The following BDKRB2 variants were observed in gnomAD, a reference collection of about 807,000 sequenced individuals.
BDKRB2 encodes B2 bradykinin receptor.
In BDKRB2, 6 loss-of-function variants were observed where a neutral mutation model predicts 4.0. That is an observed-to-expected ratio of 1.49 (90% CI 0.81 to 2.93). BDKRB2 has a LOEUF of 2.93. Ranked by LOEUF, BDKRB2 falls within the 30% of genes most tolerant of loss-of-function variation. BDKRB2 has a pLI of 0.00. For synonymous variants in BDKRB2, 225 were observed against 215.3 expected (o/e 1.05, Z -0.40); for missense variants, 478 against 520.1 (o/e 0.92, Z 0.79).
chr14:96,211,195 C>T (rs1890294050), intron 1 of BDKRB2: 1 of 152,256 alleles, frequency 6.6e-6, no homozygotes, highest in African/African-American at 2.4e-5. Context: ...AAGACTGGGC[C>T]TTTCCCTCAG....
At chr14:96,209,607 T>C (rs1890260155) in intron 1 of BDKRB2, among the ~76,000 whole-genome samples, 2 of 152,312 alleles carry the variant, frequency 1.3e-5, no homozygotes, top group African/African-American at 2.4e-5. Flanking sequence ...TTAACTTCAC[T>C]GAATGCACAT....
At chr14:96,208,367 C>G (rs1010435680) in intron 1 of BDKRB2, among the ~76,000 whole-genome samples, 1 of 152,176 alleles carries the variant, frequency 6.6e-6, no homozygotes, top group Non-Finnish European at 1.5e-5. Flanking sequence ...CCTCCCCACA[C>G]ACATTCCAAA....
At position 96,209,021 on chromosome 14, in the gene BDKRB2, G is replaced by A. The variant is rs546304291; in HGVS notation, c.-40+4062G>A. On this transcript the variant is annotated intron_variant, in intron 1 of 2. Coordinates refer to ENST00000554311, the MANE Select transcript of BDKRB2 (RefSeq NM_001379692.1). ...TGGTTCTTATCATGGTCATGAGGTC[G>A]CTTCTCCTCTTCCCTGCGGGTTTCC... is the stretch of plus-strand genomic sequence containing the variant. Among the ~76,000 whole-genome samples the A allele has an allele frequency of 6.6e-5, 10 of 152,340 alleles. No individual in the cohort carries two copies. In the East Asian group the frequency reaches 7.7e-4, roughly 12 times the overall value.
chr14:96,235,259 A>G (rs962707866), intron 1 of BDKRB2, among the ~76,000 whole-genome samples: 1 of 151,068 alleles, frequency 6.6e-6, no homozygotes, highest in African/African-American at 2.4e-5. Context: ...GAGACAGGAG[A>G]ATCGCTTGAA....
At chr14:96,214,164 TC>T in intron 1 of BDKRB2, among the ~76,000 whole-genome samples, 1 of 151,926 alleles carries the variant, frequency 6.6e-6, no homozygotes, top group Non-Finnish European at 1.5e-5. Context: ...TGCCCTCCAG[TC>T]CCCGCCAGTC....
intron 1 of BDKRB2, among the ~76,000 whole-genome samples, chr14:96,214,446 G>A (rs942310866): frequency 2.0e-5 from 3 of 152,214 alleles, no homozygotes; most frequent in African/African-American, 7.2e-5. Context: ...CCTCCTGCCG[G>A]GGACAATGCT....
chr14:96,238,189 G>A (rs1890981414), intron 2 of BDKRB2: 1 of 778,046 alleles, frequency 1.3e-6, no homozygotes, highest in Non-Finnish European at 1.6e-6. Context: ...GCCACCAAAA[G>A]CGTAACTGGG....
chr14:96,216,804 G>T (rs911417490), intron 1 of BDKRB2, among the ~76,000 whole-genome samples: 1 of 148,004 alleles, frequency 6.8e-6, no homozygotes, highest in Non-Finnish European at 1.5e-5. Flanking sequence ...AGTAGGAGAA[G>T]AAGAAGGAGG....
In BDKRB2 at chr14:96,237,305, C is replaced by G. The variant is rs1028052842; in HGVS notation, c.74+124C>G. 6.5e-6 allele frequency: 6 copies of G among 918,772 alleles called. No homozygotes were observed. In the African/African-American group the frequency reaches 9.9e-5, roughly 15 times the overall value. 56.9% of individuals were successfully genotyped at this position (918,772 alleles called of 1,614,324 possible). ...TTGAAGGAACCAGTGATGTTAAGCC[C>G]AAAGACAAAACCTCTCAGGTGTCCA... On this transcript the variant is annotated intron_variant, in intron 2 of 2. Transcript: ENST00000554311.
At chr14:96,207,361 G>A (rs1890210617) in intron 1 of BDKRB2, among the ~76,000 whole-genome samples, 1 of 152,200 alleles carries the variant, frequency 6.6e-6, no homozygotes, top group African/African-American at 2.4e-5. Context: ...AAAGGCATAT[G>A]CTGTATGATT....
chr14:96,217,170 G>T (rs2139774056), intron 1 of BDKRB2, among the ~76,000 whole-genome samples: 1 of 152,342 alleles, frequency 6.6e-6, no homozygotes, highest in African/African-American at 2.4e-5. Context: ...CAAACACCCT[G>T]TTCTGTGCTC....
At chr14:96,215,677 T>C (rs1890401381) in intron 1 of BDKRB2, among the ~76,000 whole-genome samples, 1 of 152,164 alleles carries the variant, frequency 6.6e-6, no homozygotes, top group Non-Finnish European at 1.5e-5. Context: ...ATTATTTTTA[T>C]GTTGTCTTGG....
At chr14:96,221,395 A>G (rs1190186615) in intron 1 of BDKRB2, among the ~76,000 whole-genome samples, 1 of 152,114 alleles carries the variant, frequency 6.6e-6, no homozygotes, top group East Asian at 1.9e-4. Flanking sequence ...GATGCTATTC[A>G]TGGTGGGTGT....
chr14:96,213,062 G>A, intron 1 of BDKRB2, among the ~76,000 whole-genome samples: 1 of 152,062 alleles, frequency 6.6e-6, no homozygotes, highest in East Asian at 1.9e-4. Flanking sequence ...TCCTGGGTTA[G>A]GTTACTAGGC....
chr14:96,217,390 A>T (rs1389970186), intron 1 of BDKRB2, among the ~76,000 whole-genome samples: 1 of 151,236 alleles, frequency 6.6e-6, no homozygotes, highest in African/African-American at 2.5e-5. Flanking sequence ...TTACAAAATA[A>T]TCTATCTTAT....
In BDKRB2 at chr14:96,217,084, T is replaced by C. The variant is rs561947827; in HGVS notation, c.-40+12125T>C. Among the ~76,000 whole-genome samples the C allele has an allele frequency of 7.2e-5, 11 of 152,308 alleles. No homozygotes were observed. The East Asian group carries it at 2.1e-3, about 29-fold the overall frequency. On this transcript the variant is annotated intron_variant, in intron 1 of 2. Transcript: ENST00000554311. Reference sequence around the variant, plus strand: ...CCTTTAGTGACAGGGAACTAACTACTACCAAAGGCAACTAACTCAGCTCAG... The same window carrying C: ...CCTTTAGTGACAGGGAACTAACTACCACCAAAGGCAACTAACTCAGCTCAG...
intron 1 of BDKRB2, among the ~76,000 whole-genome samples, chr14:96,206,176 C>T (rs765038222): frequency 5.9e-5 from 9 of 152,320 alleles, no homozygotes; most frequent in Admixed American, 2.6e-4. Context: ...GTTGTGAGCC[C>T]CACAAGCTTG....
chr14:96,241,324 C>T lies in BDKRB2; in HGVS notation c.996C>T (p.Tyr332=), dbSNP rs199963662. ...YSNSCLNPLV[Y]VIVGKRFRKK... ...ACAGCTGCCTCAACCCACTGGTGTA[C>T]GTGATCGTGGGCAAGCGCTTCCGAA... The change falls in exon 3 of 3, where the codon TAC becomes TAT. Residue 332 remains tyrosine (Y), a synonymous_variant. Coordinates refer to ENST00000554311, the MANE Select transcript of BDKRB2 (RefSeq NM_001379692.1). 2.3e-5 allele frequency: 37 copies of T among 1,613,878 alleles called. No individual in the cohort carries two copies. The East Asian group carries it at 2.7e-4, about 12-fold the overall frequency.
At chr14:96,231,078 A>G (rs1890808736) in intron 1 of BDKRB2, among the ~76,000 whole-genome samples, 1 of 152,260 alleles carries the variant, frequency 6.6e-6, no homozygotes, top group African/African-American at 2.4e-5. Flanking sequence ...ATCTAACCAC[A>G]GTGAACAGGA....
Sources: allele counts gnomAD v4.1 joint callset (sites outside exome capture counted in the v4.1 genomes callset), GRCh38; gene constraint gnomAD v4.1.1; transcripts MANE v1.5; gene names NCBI Gene and HGNC (gene_info 2026-07-23, HGNC 2026-07-21).